CERS1: variants seen among roughly 807,000 people sequenced by gnomAD.
CERS1 encodes Embryonic growth/differentiation factor 1.
In CERS1, 16 loss-of-function variants were observed where a neutral mutation model predicts 35.7. The ratio of observed to expected loss-of-function variants is 0.45; its 90% CI spans 0.30 to 0.68. The LOEUF (loss-of-function observed/expected upper bound fraction) is 0.68, where lower values mean the gene tolerates loss of function less well. CERS1 is among the 30% of genes least tolerant of loss of function. The pLI is 0.08. For synonymous variants in CERS1, 243 were observed against 201.6 expected, an observed-to-expected ratio of 1.21 and a Z score of -1.74; for missense variants, 454 against 453.9, an observed-to-expected ratio of 1.00 and a Z score of 0.00.
In CERS1 at chr19:18,870,446, C is replaced by G; in HGVS notation, c.*131G>C. On this transcript the variant is annotated 3_prime_UTR_variant, in exon 7 of 8. Transcript: ENST00000623882. The surrounding 1 kb of genome is among the most constrained non-coding windows in gnomAD (Gnocchi z 5.1). ...GGGAACTGGAGGCAGGATGAGGGGG[C>G]GGGGTCCCAGGGGAGGTGGCGGCGG... 9 of 446,296 alleles carry G rather than the reference C, an allele frequency of 2.0e-5. No individual in the cohort carries two copies. Among genetic ancestry groups the G allele is most frequent in the South Asian group, 1.3e-4 (4 of 31,206 alleles). The allele number at this position is 446,296 out of a possible 1,614,324, so 27.6% of individuals were successfully genotyped here. A position where few individuals can be genotyped will look rare whatever the true frequency, so the allele number is the denominator to read the frequency against.
In CERS1 at chr19:18,895,028, C is replaced by G. The variant is rs1195115999; in HGVS notation, c.249+796G>C. Among the ~76,000 whole-genome samples, 3 of 152,206 alleles carry G rather than the reference C, an allele frequency of 2.0e-5. No individual in the cohort carries two copies. Among genetic ancestry groups the G allele is most frequent in the Non-Finnish European group, 4.4e-5 (3 of 68,032 alleles). ...CAGGCGCCAATGTCACCATCATGGT[C>G]ACTCTCTCGCAGGGGCGATGGTCTC... is the stretch of plus-strand genomic sequence containing the variant. On this transcript the variant is annotated intron_variant, in intron 1 of 7. Transcript: ENST00000623882. This position sits in a 1 kb window ranked among gnomAD's most constrained non-coding sequence, Gnocchi z 6.4.
At chr19:18,880,176 G>T (rs2056167670) in intron 4 of CERS1, 98 bp downstream of exon 4, 5 of 1,300,992 alleles carry the variant, frequency 3.8e-6, no homozygotes, top group South Asian at 1.5e-5. Flanking sequence ...ACCTCACCGG[G>T]CCCCGCCTCC....
rs1437624138 is a variant in CERS1, at chr19:18,886,109, C to A, written c.410-1842G>T. On this transcript the variant is annotated intron_variant, in intron 2 of 7. Coordinates refer to ENST00000623882, the MANE Select transcript of CERS1 (RefSeq NM_021267.5). ...CCCAGAGGCTGCCAGACACCAAATT[C>A]AAGGGCTATGCTCTGGACGGGCACG... 4.7e-3 allele frequency among the ~76,000 whole-genome samples: 719 copies of A among 151,578 alleles called. 14 individuals are homozygous for A. Among genetic ancestry groups the A allele is most frequent in the African/African-American group, 0.017 (699 of 40,876 alleles).
intron 2 of CERS1, among the ~76,000 whole-genome samples, chr19:18,893,156 A>G (rs2056536350): frequency 1.3e-5 from 2 of 151,232 alleles, no homozygotes; most frequent in Admixed American, 1.3e-4. Context: ...CTCGTGATCC[A>G]CTCACCTTGG....
At chr19:18,879,815 A>C (rs1429717801) in intron 4 of CERS1, among the ~76,000 whole-genome samples, 11 of 39,676 alleles carry the variant, frequency 2.8e-4, no homozygotes, top group East Asian at 5.6e-4. Flanking sequence ...CGCCCACCTC[A>C]CCAAGCCCCC....
At position 18,896,030 on chromosome 19, in the gene CERS1, GCTCGGGCCCCGTCGGCCCCGC is replaced by G; in HGVS notation, c.22_42del (p.Ala8_Glu14del). 1.0e-6 allele frequency: 1 copy of G among 995,472 alleles called. No homozygotes were observed. Among genetic ancestry groups the G allele is most frequent in the Non-Finnish European group, 1.2e-6 (1 of 838,168 alleles). The allele number at this position is 995,472 out of a possible 1,614,324, so 61.7% of individuals were successfully genotyped here. On this transcript the variant is annotated inframe_deletion, in exon 1 of 8. Coordinates refer to ENST00000623882, the MANE Select transcript of CERS1 (RefSeq NM_021267.5). This position sits in a 1 kb window ranked among gnomAD's most constrained non-coding sequence, Gnocchi z 5.9. The stretch of plus-strand genomic sequence containing the variant: ...ACTAGCTGCGCGTAGCTCGGCATGG[GCTCGGGCCCCGTCGGCCCCGC>G]CGCGGGCCCCGCCGCCGCCATACCG...
At chr19:18,877,898 C>T (rs940334679) in intron 6 of CERS1, 14 of 925,450 alleles carry the variant, frequency 1.5e-5, no homozygotes, top group African/African-American at 3.6e-5. Context: ...AATACCAGCT[C>T]GAGCCAAAAG....
At position 18,893,534 on chromosome 19, in the gene CERS1, G is replaced by C; in HGVS notation, c.291C>G (p.Ala97=). ...KRCCLQPRDA[A]KMPESAWKFL... ...ACTTCCAAGCGCTCTCGGGCATCTTGGCGGCATCTCTGGGCTGGAGGCAGC... is the reference window on the plus strand; with the variant it reads ...ACTTCCAAGCGCTCTCGGGCATCTTCGCGGCATCTCTGGGCTGGAGGCAGC... Residue 97 remains alanine, a synonymous_variant, in exon 2 of 8, where the codon GCC becomes GCG. Coordinates refer to ENST00000623882, the MANE Select transcript of CERS1 (RefSeq NM_021267.5). 1.9e-6 allele frequency: 3 copies of C among 1,610,930 alleles called. No homozygotes were observed. Among genetic ancestry groups the C allele is most frequent in the Non-Finnish European group, 2.5e-6 (3 of 1,178,912 alleles).
chr19:18,873,543 A>T (rs1382696739), intron 6 of CERS1, among the ~76,000 whole-genome samples: 1 of 151,978 alleles, frequency 6.6e-6, no homozygotes, highest in Non-Finnish European at 1.5e-5. Context: ...CAAAAATTTT[A>T]AAAATTAGCC....
At chr19:18,873,838 C>T (rs1207000201) in intron 6 of CERS1, among the ~76,000 whole-genome samples, 1 of 143,412 alleles carries the variant, frequency 7.0e-6, no homozygotes. Context: ...GAGACTCTGT[C>T]TCGAAAAAAA....
rs1395867379 is a variant in CERS1, at chr19:18,884,745, C to G, written c.410-478G>C. Among the ~76,000 whole-genome samples the G allele has an allele frequency of 3.6e-5, 4 of 110,474 alleles. No individual in the cohort carries two copies. The South Asian group carries it at 1.3e-3, about 36-fold the overall frequency. The allele number at this position is 110,474 out of a possible 152,430, so 72.5% of individuals were successfully genotyped here. The stretch of plus-strand genomic sequence containing the variant: ...TTTTTTTTTTTTTGAGACAGAGTCT[C>G]GTTCTGTCACCAGACTGGAGTGCAG... On this transcript the variant is annotated intron_variant, in intron 2 of 7. Coordinates refer to ENST00000623882, the MANE Select transcript of CERS1 (RefSeq NM_021267.5).
At chr19:18,877,981 C>G (rs1358335066) in intron 6 of CERS1, 1 of 985,354 alleles carries the variant, frequency 1.0e-6, no homozygotes, top group Admixed American at 6.2e-5. Flanking sequence ...TTCTCCCTTC[C>G]AAACAGGGTG....
At chr19:18,885,417 G>C (rs1021187179) in intron 2 of CERS1, among the ~76,000 whole-genome samples, 1 of 151,512 alleles carries the variant, frequency 6.6e-6, no homozygotes, top group South Asian at 2.1e-4. Context: ...GGGTGATCTC[G>C]AACTCCTGGG....
chr19:18,869,485 C>A, intron 7 of CERS1, 95 bp from the exon 8 acceptor site: 2 of 1,402,976 alleles, frequency 1.4e-6, no homozygotes, highest in Non-Finnish European at 1.9e-6. Context: ...AACGCTGGGG[C>A]TCGGGGCGCA....
chr19:18,892,751 T>C (rs1388977512), intron 2 of CERS1, among the ~76,000 whole-genome samples: 2 of 152,116 alleles, frequency 1.3e-5, no homozygotes, highest in Non-Finnish European at 2.9e-5. Flanking sequence ...CTGGAATGCC[T>C]GCCTGGACCC....
Position 18,895,939 on chromosome 19 carries a change from G to A in CERS1, c.134C>T (p.Ala45Val), listed in dbSNP as rs1222825953. The part of the protein sequence containing the change: ...RGCTDCGWGL[A>V]RRGLAEHAHL... The stretch of plus-strand genomic sequence containing the variant: ...CGCGTGCTCAGCCAGGCCGCGACGC[G>A]CCAGCCCCCAGCCGCAGTCCGTGCA... Residue 45 changes from alanine (A) to valine (V), a missense_variant, in exon 1 of 8, where the codon GCG becomes GTG. Coordinates refer to ENST00000623882, the MANE Select transcript of CERS1 (RefSeq NM_021267.5). This position sits in a 1 kb window ranked among gnomAD's most constrained non-coding sequence, Gnocchi z 6.4. 2.4e-5 allele frequency: 29 copies of A among 1,185,634 alleles called. No individual in the cohort carries two copies. The highest frequency in any genetic ancestry group is 2.9e-5 in the Non-Finnish European group (28 of 956,364). 73.4% of individuals were successfully genotyped at this position (1,185,634 alleles called of 1,614,324 possible).
chr19:18,880,578 C>T, intron 3 of CERS1, 143 bp from the exon 4 acceptor site: 1 of 749,646 alleles, frequency 1.3e-6, no homozygotes, highest in Non-Finnish European at 2.1e-6. Flanking sequence ...CCTCGCCTGC[C>T]CTGCCCATCT....
At chr19:18,880,501 G>A (rs1234588575) in intron 3 of CERS1, 66 bp from the exon 4 acceptor site, 8 of 1,446,526 alleles carry the variant, frequency 5.5e-6, no homozygotes, top group Non-Finnish European at 7.4e-6. Flanking sequence ...CTGCACTAAG[G>A]CCCCCAGCAG....
At chr19:18,882,865 G>A (rs926675298) in intron 3 of CERS1, among the ~76,000 whole-genome samples, 15 of 151,636 alleles carry the variant, frequency 9.9e-5, no homozygotes, top group Non-Finnish European at 2.2e-4. Context: ...GCTAATTTTT[G>A]TATTTTTAGT....
Sources: gnomAD v4.1 joint callset for allele counts (sites outside exome capture counted in the v4.1 genomes callset) on GRCh38, gnomAD v4.1.1 for gene constraint, Gnocchi (gnomAD v3.1) non-coding constraint, MANE v1.5 for transcripts, NCBI Gene and HGNC (gene_info 2026-07-23, HGNC 2026-07-21) for gene names.